The following PBX1 variants were observed in gnomAD, a reference collection of about 807,000 sequenced individuals.
PBX1 encodes the protein PBX homeobox 1.
A neutral mutation model predicts 53.4 loss-of-function variants in PBX1; 6 were observed. The observed-to-expected ratio is 0.11, with a 90% CI of 0.06 to 0.22. The LOEUF (loss-of-function observed/expected upper bound fraction) is 0.22. Among genes scored for constraint, PBX1 ranks in the 10% least tolerant of loss-of-function variants. The pLI, the probability that PBX1 is intolerant of heterozygous loss-of-function variation, is 1.00. For missense variants in PBX1, 251 were observed against 551.4 expected, an observed-to-expected ratio of 0.46 and a Z score of 5.46; for synonymous variants, 204 against 212.3, an observed-to-expected ratio of 0.96 and a Z score of 0.34.
At chr1:164,740,260 A>G (rs1341217338) in intron 2 of PBX1, among the ~76,000 whole-genome samples, 1 of 152,200 alleles carries the variant, frequency 6.6e-6, no homozygotes, top group Non-Finnish European at 1.5e-5. Flanking sequence ...TATCTCTACT[A>G]TGATGTGCAA....
intron 2 of PBX1, among the ~76,000 whole-genome samples, chr1:164,602,245 A>G (rs1656226698): frequency 6.6e-6 from 1 of 152,110 alleles, no homozygotes; most frequent in South Asian, 2.1e-4. Context: ...AACAAAGCTT[A>G]AGGGATGACT....
At chr1:164,700,156 G>C (rs1663035121) in intron 2 of PBX1, among the ~76,000 whole-genome samples, 1 of 152,192 alleles carries the variant, frequency 6.6e-6, no homozygotes, top group Non-Finnish European at 1.5e-5. Flanking sequence ...GGGTTCCAGG[G>C]CTTTTCGCTG....
At chr1:164,644,326 C>T (rs1271960105) in intron 2 of PBX1, among the ~76,000 whole-genome samples, 49 of 152,070 alleles carry the variant, frequency 3.2e-4, no homozygotes, top group Admixed American at 3.2e-3. Flanking sequence ...AGTCTATATC[C>T]AACTGTACAG....
At chr1:164,598,433 T>A (rs1655917827) in intron 2 of PBX1, among the ~76,000 whole-genome samples, 1 of 152,140 alleles carries the variant, frequency 6.6e-6, no homozygotes, top group African/African-American at 2.4e-5. Flanking sequence ...TCTTCCATTG[T>A]CTTAGGGCTT....
chr1:164,863,835 C>T (rs762493218), intron 2 of PBX1, among the ~76,000 whole-genome samples: 6 of 152,078 alleles, frequency 3.9e-5, no homozygotes, highest in Non-Finnish European at 8.8e-5. Flanking sequence ...GAAGGGAGGA[C>T]CACATGAGGT....
intron 2 of PBX1, among the ~76,000 whole-genome samples, chr1:164,603,077 T>G (rs570556756): frequency 6.6e-6 from 1 of 152,216 alleles, no homozygotes; most frequent in African/African-American, 2.4e-5. Flanking sequence ...CCCTTCCTTC[T>G]TCCATACCCA....
chr1:164,789,886 G>A (rs1481850267), intron 2 of PBX1, among the ~76,000 whole-genome samples: 1 of 152,150 alleles, frequency 6.6e-6, no homozygotes, highest in Admixed American at 6.5e-5. Flanking sequence ...GAATGAGAGA[G>A]TAGAATTTTG....
At chr1:164,812,786 G>A (rs1055000610) in intron 6 of PBX1, 3 of 152,232 alleles carry the variant, frequency 2.0e-5, no homozygotes, top group South Asian at 2.1e-4. Flanking sequence ...TAATTTAAGA[G>A]TTTAGGTCAA....
chr1:164,628,935 T>C (rs1287719547), intron 2 of PBX1, among the ~76,000 whole-genome samples: 1 of 152,166 alleles, frequency 6.6e-6, no homozygotes, highest in Admixed American at 6.5e-5. Flanking sequence ...CCTTTGCTCA[T>C]GTCCCTCTCA....
At chr1:164,586,736 T>G (rs1654971909) in intron 2 of PBX1, among the ~76,000 whole-genome samples, 1 of 152,238 alleles carries the variant, frequency 6.6e-6, no homozygotes, top group Non-Finnish European at 1.5e-5. Context: ...AGGGCTGATT[T>G]AGAACATGGC....
At chr1:164,870,533 G>A (rs1460753353) in intron 2 of PBX1, among the ~76,000 whole-genome samples, 1 of 151,664 alleles carries the variant, frequency 6.6e-6, no homozygotes, top group African/African-American at 2.4e-5. Flanking sequence ...TAGTAGAGAC[G>A]GGGTTTCGCC....
chr1:164,851,080 C>G lies in PBX1; in HGVS notation c.*4404C>G, dbSNP rs1671814479. The G allele has an allele frequency of 4.5e-6, 1 of 223,702 alleles. No homozygotes were observed. The highest frequency in any genetic ancestry group is 2.2e-5 in the African/African-American group (1 of 44,766). 13.9% of individuals were successfully genotyped at this position (223,702 alleles called of 1,614,324 possible). ...AGTTAATGAGATATTGGGCCAGGCT[C>G]AATGCTGTAGTTTTAATGCTAAGAG... On this transcript the variant is annotated 3_prime_UTR_variant, in exon 9 of 9. Transcript: ENST00000420696.
chr1:164,620,204 T>C (rs1770558), intron 2 of PBX1, among the ~76,000 whole-genome samples: 97,248 of 151,802 alleles, frequency 0.64, 31,554 homozygotes, highest in East Asian at 0.93. Flanking sequence ...AGCAAATCTT[T>C]ATAGAAAAAC....
chr1:164,660,779 A>G lies in PBX1; in HGVS notation c.265+97468A>G, dbSNP rs142554946. 8.1e-3 allele frequency among the ~76,000 whole-genome samples: 1,228 copies of G among 152,248 alleles called. 13 individuals are homozygous for G. Among genetic ancestry groups the G allele is most frequent in the African/African-American group, 0.028 (1,171 of 41,548 alleles). On this transcript the variant is annotated intron_variant, in intron 2 of 8. Transcript: ENST00000420696. ...CATAGGATGATTTTTTTTAAAGTAT[A>G]TTATTTCTTCTTCATTTTAACAATA...
chr1:164,884,492 TA>T (rs959330583), intron 2 of PBX1: 8 of 482,128 alleles, frequency 1.7e-5, no homozygotes, highest in African/African-American at 1.6e-4. Flanking sequence ...GATCTGTGGA[TA>T]GGGGGTGTTA....
intron 2 of PBX1, among the ~76,000 whole-genome samples, chr1:164,620,531 G>A (rs1363758165): frequency 6.6e-6 from 1 of 152,104 alleles, no homozygotes; most frequent in African/African-American, 2.4e-5. Flanking sequence ...ACCACCCTGT[G>A]ACATGAAATA....
intron 2 of PBX1, among the ~76,000 whole-genome samples, chr1:164,719,460 G>T (rs1412516783): frequency 2.0e-5 from 3 of 152,136 alleles, no homozygotes; most frequent in Non-Finnish European, 2.9e-5. Context: ...CTATTAATTG[G>T]CTTTGTAAAT....
At chr1:164,874,381 T>C (rs1167213228) in intron 2 of PBX1, among the ~76,000 whole-genome samples, 1 of 152,194 alleles carries the variant, frequency 6.6e-6, no homozygotes, top group African/African-American at 2.4e-5. Flanking sequence ...AGATCATGTA[T>C]GTTATGATGT....
Position 164,847,339 on chromosome 1 carries a change from T to C in PBX1, c.*663T>C. The C allele has an allele frequency of 3.8e-6, 4 of 1,064,862 alleles. No homozygotes were observed. The highest frequency in any genetic ancestry group is 4.6e-6 in the Non-Finnish European group (4 of 879,044). The allele number at this position is 1,064,862 out of a possible 1,614,324, so 66.0% of individuals were successfully genotyped here. A position where few individuals can be genotyped will look rare whatever the true frequency, so the allele number is the denominator to read the frequency against. On this transcript the variant is annotated 3_prime_UTR_variant, in exon 9 of 9. Transcript: ENST00000420696. ...GCTGGGATTCTAAAGGTGCCACATTTTTCAGTTTCATCTCCACTAGGTTGG... is the reference window on the plus strand; with the variant it reads ...GCTGGGATTCTAAAGGTGCCACATTCTTCAGTTTCATCTCCACTAGGTTGG...
Sources: gnomAD v4.1 joint callset for allele counts (sites outside exome capture counted in the v4.1 genomes callset) on GRCh38, gnomAD v4.1.1 for gene constraint, MANE v1.5 for transcripts, NCBI Gene and HGNC (gene_info 2026-07-23, HGNC 2026-07-21) for gene names.